Variants in SLC22A24 observed in about 807,000 individuals in gnomAD.
The protein encoded by SLC22A24 is solute carrier family 22 member 24.
A neutral mutation model predicts 49.8 loss-of-function variants in SLC22A24; 53 were observed. That is an observed-to-expected ratio of 1.06 (90% confidence interval 0.85 to 1.34). SLC22A24 has a LOEUF of 1.34. Among genes scored for constraint, SLC22A24 ranks in the 40% most tolerant of loss-of-function variants. The pLI, the probability that SLC22A24 is intolerant of heterozygous loss-of-function variation, is 0.00. For missense variants in SLC22A24, 786 were observed against 675.9 expected, an observed-to-expected ratio of 1.16 and a Z score of -1.81; for synonymous variants, 302 against 256.4, an observed-to-expected ratio of 1.18 and a Z score of -1.70.
intron 4 of SLC22A24, among the ~76,000 whole-genome samples, chr11:63,111,974 C>T (rs1232462927): frequency 3.9e-5 from 6 of 151,922 alleles, no homozygotes; most frequent in Non-Finnish European, 7.4e-5. Context: ...CTTGCTTTCT[C>T]TTGTGGGCAT....
chr11:63,108,580 G>A (rs1047808921), intron 4 of SLC22A24, among the ~76,000 whole-genome samples: 6 of 152,140 alleles, frequency 3.9e-5, no homozygotes, highest in Admixed American at 3.9e-4. Context: ...TTAGTTGGTA[G>A]GCTATTAATT....
At chr11:63,082,278 A>T (rs1406144228) in intron 7 of SLC22A24, among the ~76,000 whole-genome samples, 1 of 152,216 alleles carries the variant, frequency 6.6e-6, no homozygotes, top group Non-Finnish European at 1.5e-5. Flanking sequence ...TAACATTATA[A>T]AACCTAACTC....
chr11:63,081,467 C>A, intron 8 of SLC22A24, 91 bp downstream of exon 8: 2 of 870,694 alleles, frequency 2.3e-6, no homozygotes, highest in Non-Finnish European at 1.9e-6. Flanking sequence ...ATTCATCTGG[C>A]ACCTAAACAG....
intron 6 of SLC22A24, among the ~76,000 whole-genome samples, chr11:63,092,394 A>AT (rs2087025815): frequency 6.8e-6 from 1 of 148,090 alleles, no homozygotes; most frequent in Admixed American, 6.9e-5. Flanking sequence ...AGAATTAGAA[A>AT]AAACTAGTTC....
At chr11:63,117,341 G>T (rs2087218937) in intron 4 of SLC22A24, among the ~76,000 whole-genome samples, 2 of 152,154 alleles carry the variant, frequency 1.3e-5, no homozygotes, top group Admixed American at 1.3e-4. Flanking sequence ...TACTTGGTTA[G>T]CTTAGTGCTC....
intron 2 of SLC22A24, among the ~76,000 whole-genome samples, chr11:63,134,297 C>T (rs946928803): frequency 6.6e-6 from 1 of 152,154 alleles, no homozygotes; most frequent in African/African-American, 2.4e-5. Flanking sequence ...CAAATTTGCA[C>T]TTTCAGACCC....
intron 4 of SLC22A24, chr11:63,115,967 C>G: frequency 3.1e-6 from 1 of 321,118 alleles, no homozygotes; most frequent in South Asian, 7.9e-5. Flanking sequence ...TGGTTTGACC[C>G]TTGGCCTTTG....
chr11:63,094,543 G>C (rs1288918933), intron 6 of SLC22A24, among the ~76,000 whole-genome samples: 1 of 152,174 alleles, frequency 6.6e-6, no homozygotes, highest in Non-Finnish European at 1.5e-5. Flanking sequence ...CTAGATCCCT[G>C]AGGAATCGCC....
intron 1 of SLC22A24, among the ~76,000 whole-genome samples, chr11:63,140,941 AT>A (rs1458100080): frequency 6.6e-6 from 1 of 152,238 alleles, no homozygotes; most frequent in Non-Finnish European, 1.5e-5. Context: ...CGTTAATCTT[AT>A]AAAAAATTCT....
intron 2 of SLC22A24, among the ~76,000 whole-genome samples, chr11:63,123,534 G>A (rs1029268195): frequency 2.0e-5 from 3 of 152,136 alleles, no homozygotes; most frequent in African/African-American, 7.2e-5. Context: ...CTGTCTACCT[G>A]AAACTCCATA....
chr11:63,110,278 G>T (rs544704405), intron 4 of SLC22A24, among the ~76,000 whole-genome samples: 4 of 152,254 alleles, frequency 2.6e-5, no homozygotes, highest in Admixed American at 6.5e-5. Flanking sequence ...AAGTCAGGTA[G>T]CATGATGCCT....
chr11:63,141,759 A>T (rs2087417126), intron 1 of SLC22A24, among the ~76,000 whole-genome samples: 2 of 152,226 alleles, frequency 1.3e-5, no homozygotes, highest in South Asian at 4.1e-4. Flanking sequence ...CCAATTAAAA[A>T]AGCCTAAGTG....
chr11:63,115,605 G>T (rs191841706), intron 4 of SLC22A24, among the ~76,000 whole-genome samples: 8 of 152,144 alleles, frequency 5.3e-5, no homozygotes, highest in African/African-American at 1.7e-4. Context: ...ATATGAACAA[G>T]GTACCTCAGT....
intron 1 of SLC22A24, among the ~76,000 whole-genome samples, chr11:63,138,846 C>G (rs1003357398): frequency 2.1e-5 from 3 of 145,924 alleles, no homozygotes; most frequent in South Asian, 4.2e-4. Context: ...AGGTTTTTTC[C>G]CCCCCATGGA....
intron 6 of SLC22A24, among the ~76,000 whole-genome samples, chr11:63,095,691 T>C (rs1224920158): frequency 6.6e-6 from 1 of 152,188 alleles, no homozygotes; most frequent in African/African-American, 2.4e-5. Flanking sequence ...AATAAAAAAT[T>C]AGAAAATCAA....
At chr11:63,113,945 T>C (rs2087194418) in intron 4 of SLC22A24, among the ~76,000 whole-genome samples, 1 of 152,142 alleles carries the variant, frequency 6.6e-6, no homozygotes, top group African/African-American at 2.4e-5. Context: ...GTTAGTCTGA[T>C]GGGCTTCCTT....
At position 63,133,005 on chromosome 11, in the gene SLC22A24, C is replaced by G. The variant is rs527739527; in HGVS notation, c.506+1660G>C. ...CACTTTGTTTACACTGTGAGCTACT[C>G]AAGCCTCAGCAATGGTGGATGCCCC... is the stretch of plus-strand genomic sequence containing the variant. On this transcript the variant is annotated intron_variant, in intron 2 of 9. Transcript: ENST00000612278. Among the ~76,000 whole-genome samples the G allele has an allele frequency of 1.2e-4, 19 of 152,286 alleles. No homozygotes were observed. The South Asian group carries it at 3.3e-3, about 27-fold the overall frequency.
intron 4 of SLC22A24, among the ~76,000 whole-genome samples, chr11:63,105,647 C>T (rs896806096): frequency 1.3e-4 from 20 of 152,242 alleles, no homozygotes; most frequent in African/African-American, 4.8e-4. Context: ...AGGATGCACA[C>T]AGCAGGGGTC....
intron 7 of SLC22A24, 123 bp from the exon 8 acceptor site, chr11:63,081,789 C>T: frequency 1.5e-6 from 1 of 680,282 alleles, no homozygotes; most frequent in South Asian, 1.7e-5. Context: ...CAAACTGCAA[C>T]ATGCCAGAGA....
Sources: allele counts gnomAD v4.1 joint callset (sites outside exome capture counted in the v4.1 genomes callset), GRCh38; gene constraint gnomAD v4.1.1; transcripts MANE v1.5; gene names NCBI Gene and HGNC (gene_info 2026-07-23, HGNC 2026-07-21).